CD96: variants seen among roughly 807,000 people sequenced by gnomAD.
CD96 encodes T-cell surface protein tactile.
In CD96, 70 loss-of-function variants were observed where a neutral mutation model predicts 71.3. The observed-to-expected ratio is 0.98, with a 90% CI of 0.81 to 1.20. The LOEUF is 1.20. Among genes scored for constraint, CD96 ranks in the 50% most tolerant of loss-of-function variants. The pLI, the probability that CD96 is intolerant of heterozygous loss-of-function variation, is 0.00. For missense variants in CD96, 742 were observed against 677.5 expected (o/e 1.10, Z -1.06); for synonymous variants, 248 against 233.0 (o/e 1.06, Z -0.59).
At chr3:111,582,966 T>A (rs4682051) in intron 4 of CD96, among the ~76,000 whole-genome samples, 122,623 of 152,132 alleles carry the variant, frequency 0.81, 49,561 homozygotes, top group East Asian at 0.96. Context: ...CAGTCCCCCA[T>A]ATTCTCAACC....
chr3:111,575,242 C>A (rs952047224), intron 3 of CD96, among the ~76,000 whole-genome samples: 1 of 152,154 alleles, frequency 6.6e-6, no homozygotes, highest in African/African-American at 2.4e-5. Flanking sequence ...GGCTATGAGA[C>A]CTAAGGGCTG....
At chr3:111,661,906 G>T (rs745442281) in intron 14 of CD96, among the ~76,000 whole-genome samples, 6 of 152,198 alleles carry the variant, frequency 3.9e-5, no homozygotes, top group Non-Finnish European at 7.3e-5. Flanking sequence ...TGCCCCAGTG[G>T]GGACTATGTA....
chr3:111,573,037 A>G (rs1041133159), intron 3 of CD96, among the ~76,000 whole-genome samples: 1 of 152,212 alleles, frequency 6.6e-6, no homozygotes, highest in Non-Finnish European at 1.5e-5. Context: ...TAACTCTCTA[A>G]TGGAAACTAA....
At chr3:111,634,482 A>G (rs1235771692) in intron 10 of CD96, 1 of 152,704 alleles carries the variant, frequency 6.5e-6, no homozygotes, top group African/African-American at 2.4e-5. Context: ...TCCAAATGTC[A>G]AAGTAGTGTT....
chr3:111,561,492 C>A (rs1229370380), intron 2 of CD96, among the ~76,000 whole-genome samples: 1 of 146,856 alleles, frequency 6.8e-6, no homozygotes, highest in African/African-American at 2.4e-5. Context: ...TGTGCCCCTG[C>A]TGCGGGGTGC....
intron 8 of CD96, among the ~76,000 whole-genome samples, chr3:111,613,517 TTGATGAAGCTGATTCAAA>T (rs1210337975): frequency 8.6e-4 from 131 of 152,318 alleles, no homozygotes; most frequent in Middle Eastern, 3.4e-3. Context: ...ACCACACAGA[TTGATGAAGCTGATTCAAA>T]TGATGAAGCT....
chr3:111,567,827 C>T (rs1935793957), intron 3 of CD96, among the ~76,000 whole-genome samples, 180 bp downstream of exon 3: 1 of 152,156 alleles, frequency 6.6e-6, no homozygotes, highest in Non-Finnish European at 1.5e-5. Flanking sequence ...CACAGGCAAG[C>T]CTCTGAGTCT....
At chr3:111,615,901 A>G (rs1938207398) in intron 8 of CD96, among the ~76,000 whole-genome samples, 1 of 151,864 alleles carries the variant, frequency 6.6e-6, no homozygotes, top group Non-Finnish European at 1.5e-5. Flanking sequence ...ACATACCAGG[A>G]TTTCTCTCAT....
chr3:111,641,776 A>C (rs1333684365), intron 12 of CD96, among the ~76,000 whole-genome samples: 1 of 152,196 alleles, frequency 6.6e-6, no homozygotes, highest in Non-Finnish European at 1.5e-5. Flanking sequence ...AAATTTAAGA[A>C]AACTGAAATT....
intron 14 of CD96, among the ~76,000 whole-genome samples, chr3:111,659,974 G>A (rs988564459): frequency 6.6e-6 from 1 of 152,134 alleles, no homozygotes; most frequent in African/African-American, 2.4e-5. Flanking sequence ...AACAAGACAA[G>A]TATGTCCATT....
intron 2 of CD96, among the ~76,000 whole-genome samples, chr3:111,558,469 TG>T (rs1935197343): frequency 9.7e-6 from 1 of 103,312 alleles, no homozygotes; most frequent in Non-Finnish European, 1.9e-5. Context: ...GATAATCATG[TG>T]GTTTTTGTCT....
intron 8 of CD96, among the ~76,000 whole-genome samples, chr3:111,619,357 C>G (rs1938405533): frequency 6.6e-6 from 1 of 152,170 alleles, no homozygotes. Context: ...ATGGCCATTT[C>G]TGAGCTAGTA....
chr3:111,654,788 T>C (rs1940188974), downstream of CD96, among the ~76,000 whole-genome samples: 1 of 152,250 alleles, frequency 6.6e-6, no homozygotes, highest in Non-Finnish European at 1.5e-5. Flanking sequence ...CCATTTACTG[T>C]CCAAAGAAGA....
At chr3:111,629,702 C>T (rs1302876228) in intron 10 of CD96, among the ~76,000 whole-genome samples, 1 of 152,186 alleles carries the variant, frequency 6.6e-6, no homozygotes, top group African/African-American at 2.4e-5. Flanking sequence ...CCAAAAACAA[C>T]AGAATATATA....
At chr3:111,625,660 T>A (rs1282200062) in intron 10 of CD96, among the ~76,000 whole-genome samples, 1 of 152,096 alleles carries the variant, frequency 6.6e-6, no homozygotes, top group Non-Finnish European at 1.5e-5. Flanking sequence ...AAGCAAAACA[T>A]TAAAACATGG....
At chr3:111,603,393 C>T (rs1293076423) in intron 7 of CD96, among the ~76,000 whole-genome samples, 4 of 151,384 alleles carry the variant, frequency 2.6e-5, no homozygotes, top group African/African-American at 9.7e-5. Context: ...TCCAGTGAGC[C>T]GTGATCATGC....
At chr3:111,626,909 AT>A (rs1264056872) in intron 10 of CD96, among the ~76,000 whole-genome samples, 2 of 152,234 alleles carry the variant, frequency 1.3e-5, no homozygotes, top group Non-Finnish European at 2.9e-5. Context: ...AATATGTGAT[AT>A]AAAATTTTAA....
At chr3:111,659,894 T>C (rs1940315648) in intron 14 of CD96, among the ~76,000 whole-genome samples, 1 of 152,192 alleles carries the variant, frequency 6.6e-6, no homozygotes, top group Non-Finnish European at 1.5e-5. Context: ...ATAGGAGTTA[T>C]ACATGCCCAA....
intron 6 of CD96, among the ~76,000 whole-genome samples, chr3:111,599,486 GA>G (rs1368761409): frequency 6.6e-6 from 1 of 151,960 alleles, no homozygotes; most frequent in Non-Finnish European, 1.5e-5. Context: ...TTGGGAGGCC[GA>G]AGGGTGTGGA....
Sources: allele counts gnomAD v4.1 joint callset (sites outside exome capture counted in the v4.1 genomes callset), GRCh38; gene constraint gnomAD v4.1.1; transcripts MANE v1.5; gene names NCBI Gene and HGNC (gene_info 2026-07-23, HGNC 2026-07-21).